Variants in STPG2 observed in about 807,000 individuals in gnomAD.
The protein encoded by STPG2 is sperm-tail PG-rich repeat-containing protein 2.
STPG2 carries 56 observed loss-of-function variants against 54.2 expected under a neutral mutation model. The observed-to-expected ratio is 1.03, with a 90% CI of 0.83 to 1.29. The LOEUF (loss-of-function observed/expected upper bound fraction) is 1.29, where lower values mean the gene tolerates loss of function less well. STPG2 is among the 50% of genes most tolerant of loss of function. STPG2 has a pLI of 0.00. For synonymous variants in STPG2, 200 were observed against 181.8 expected (o/e 1.10, Z -0.81); for missense variants, 596 against 544.9 (o/e 1.09, Z -0.93).
chr4:97,999,897 T>C (rs1429193393), intron 5 of STPG2, among the ~76,000 whole-genome samples: 3 of 152,204 alleles, frequency 2.0e-5, no homozygotes, highest in African/African-American at 7.2e-5. Context: ...TTATTGTATA[T>C]ACATGGCATC....
intron 3 of STPG2, among the ~76,000 whole-genome samples, chr4:98,118,394 AT>A (rs1222592012): frequency 1.3e-5 from 2 of 152,114 alleles, no homozygotes; most frequent in Non-Finnish European, 2.9e-5. Flanking sequence ...ACTACTTTCA[AT>A]GTACTATGGG....
At chr4:97,470,638 T>C (rs749434797) in intron 4 of STPG2, among the ~76,000 whole-genome samples, 3 of 152,096 alleles carry the variant, frequency 2.0e-5, no homozygotes, top group African/African-American at 4.8e-5. Flanking sequence ...TTAACAACAA[T>C]AATAATAAAA....
At chr4:97,792,683 A>G (rs1450027620) in intron 9 of STPG2, among the ~76,000 whole-genome samples, 3 of 151,570 alleles carry the variant, frequency 2.0e-5, no homozygotes. Flanking sequence ...ATCTAGATAT[A>G]CATTACATGT....
At chr4:97,800,718 G>A (rs993493591) in intron 9 of STPG2, among the ~76,000 whole-genome samples, 1 of 152,204 alleles carries the variant, frequency 6.6e-6, no homozygotes, top group African/African-American at 2.4e-5. Flanking sequence ...CTGTCAGACA[G>A]GGACATTCAA....
intron 4 of STPG2, among the ~76,000 whole-genome samples, chr4:97,495,710 C>CAAAAAAAAAA (rs35288994): frequency 8.5e-6 from 1 of 117,798 alleles, no homozygotes; most frequent in Non-Finnish European, 1.8e-5. Context: ...ATGGTCAAGA[C>CAAAAAAAAAA]AAAAAAAAAA....
chr4:97,831,550 CA>C (rs931094303), intron 9 of STPG2, among the ~76,000 whole-genome samples: 4 of 151,616 alleles, frequency 2.6e-5, no homozygotes, highest in African/African-American at 9.7e-5. Context: ...GATAGAGACA[CA>C]AAAAAACCTT....
At chr4:97,688,569 A>C (rs1019583886) in intron 10 of STPG2, among the ~76,000 whole-genome samples, 5 of 152,104 alleles carry the variant, frequency 3.3e-5, no homozygotes, top group Admixed American at 2.6e-4. Context: ...GGGTTTCACC[A>C]TGTTAGCCAG....
chr4:97,558,570 G>A (rs1732138612), downstream of STPG2, among the ~76,000 whole-genome samples: 1 of 152,180 alleles, frequency 6.6e-6, no homozygotes. Flanking sequence ...GCAAGGAACT[G>A]AGGACAACCT....
At chr4:97,654,847 A>G (rs58418558) in intron 10 of STPG2, among the ~76,000 whole-genome samples, 2,914 of 152,196 alleles carry the variant, frequency 0.019, 85 homozygotes, top group African/African-American at 0.065. Flanking sequence ...GGTATATATA[A>G]TATACATAAA....
intron 4 of STPG2, among the ~76,000 whole-genome samples, chr4:97,457,084 A>G (rs917030555): frequency 6.6e-6 from 1 of 152,188 alleles, no homozygotes; most frequent in African/African-American, 2.4e-5. Flanking sequence ...ATGATCAAAA[A>G]GCAAAACATT....
At chr4:98,022,102 C>A (rs1187362533) in intron 5 of STPG2, among the ~76,000 whole-genome samples, 1 of 152,022 alleles carries the variant, frequency 6.6e-6, no homozygotes, top group Admixed American at 6.6e-5. Flanking sequence ...GATGCAGTTT[C>A]TTCCTAGCCT....
At chr4:98,062,703 T>G (rs970886034) in intron 5 of STPG2, among the ~76,000 whole-genome samples, 10 of 152,026 alleles carry the variant, frequency 6.6e-5, no homozygotes, top group Non-Finnish European at 1.3e-4. Flanking sequence ...AATTGCAGTT[T>G]TTGCCGTTAC....
intron 8 of STPG2, among the ~76,000 whole-genome samples, chr4:97,940,781 G>A (rs983613913): frequency 1.3e-4 from 20 of 152,156 alleles, no homozygotes; most frequent in African/African-American, 4.1e-4. Context: ...GAGCCAAGTA[G>A]TGTGGCCATA....
intron 7 of STPG2, among the ~76,000 whole-genome samples, chr4:97,970,543 A>C (rs916899805): frequency 3.9e-5 from 6 of 152,220 alleles, no homozygotes; most frequent in Non-Finnish European, 8.8e-5. Context: ...AAACCTGAGA[A>C]AAACAAGAAA....
intron 5 of STPG2, among the ~76,000 whole-genome samples, chr4:97,987,520 G>GT (rs1380404016): frequency 2.6e-5 from 4 of 151,974 alleles, no homozygotes; most frequent in East Asian, 1.9e-4. Flanking sequence ...CTGAGGTTGA[G>GT]TTTTTTATAT....
chr4:97,700,175 C>A (rs1306209420), intron 10 of STPG2, among the ~76,000 whole-genome samples: 1 of 152,122 alleles, frequency 6.6e-6, no homozygotes, highest in South Asian at 2.1e-4. Context: ...GGGGGACTGC[C>A]AAAGGCTCCA....
At chr4:98,127,517 C>T (rs778594595) in intron 3 of STPG2, among the ~76,000 whole-genome samples, 1 of 152,162 alleles carries the variant, frequency 6.6e-6, no homozygotes, top group Non-Finnish European at 1.5e-5. Context: ...AATGCCTTTT[C>T]TTTGCCCAAG....
chr4:97,621,356 T>C (rs1346490865), intron 10 of STPG2, among the ~76,000 whole-genome samples: 1 of 152,082 alleles, frequency 6.6e-6, no homozygotes, highest in African/African-American at 2.4e-5. Context: ...CCAGAGTTGG[T>C]AGTTTGAAAA....
intron 7 of STPG2, among the ~76,000 whole-genome samples, chr4:97,948,909 T>C (rs759319911): frequency 1.3e-5 from 2 of 152,138 alleles, no homozygotes; most frequent in Non-Finnish European, 2.9e-5. Flanking sequence ...TAGAATGTTC[T>C]GTAAATATCT....
Sources: allele counts gnomAD v4.1 joint callset (sites outside exome capture counted in the v4.1 genomes callset), GRCh38; gene constraint gnomAD v4.1.1; transcripts MANE v1.5; gene names NCBI Gene and HGNC (gene_info 2026-07-23, HGNC 2026-07-21).